Variants in CUL3 observed in about 807,000 individuals in gnomAD.
CUL3 encodes the protein cullin 3.
In CUL3, 19 loss-of-function variants were observed where a neutral mutation model predicts 89.1. That is an observed-to-expected ratio of 0.21 (90% CI 0.15 to 0.31). The LOEUF (loss-of-function observed/expected upper bound fraction) is 0.31. CUL3 is among the 10% of genes least tolerant of loss of function. The probability of loss-of-function intolerance (pLI) is 1.00; values close to 1 mark genes in which losing one functional copy is unlikely to be tolerated. For missense variants in CUL3, 469 were observed against 942.3 expected (o/e 0.50, Z 6.58); for synonymous variants, 351 against 308.4 (o/e 1.14, Z -1.45).
chr2:224,524,123 A>T (rs890474911), intron 3 of CUL3, among the ~76,000 whole-genome samples: 19 of 152,184 alleles, frequency 1.2e-4, no homozygotes, highest in African/African-American at 4.6e-4. Flanking sequence ...GTTTAAAAGC[A>T]TCAAGAGTAA....
At chr2:224,502,647 T>C (rs887888828) in intron 10 of CUL3, among the ~76,000 whole-genome samples, 4 of 152,228 alleles carry the variant, frequency 2.6e-5, no homozygotes, top group African/African-American at 2.4e-5. Context: ...AGTAAACTTG[T>C]GTTAAGCCCA....
intron 3 of CUL3, among the ~76,000 whole-genome samples, chr2:224,522,248 A>C (rs908960868): frequency 1.3e-5 from 2 of 152,170 alleles, no homozygotes; most frequent in Non-Finnish European, 2.9e-5. Context: ...AACACAATGA[A>C]GACAGAAATA....
At chr2:224,564,408 T>A (rs1694989608) in intron 1 of CUL3, among the ~76,000 whole-genome samples, 1 of 152,234 alleles carries the variant, frequency 6.6e-6, no homozygotes, top group Admixed American at 6.5e-5. Flanking sequence ...CCTTACTTCA[T>A]CTCATCACAT....
chr2:224,565,016 T>C (rs1695006325), intron 1 of CUL3, among the ~76,000 whole-genome samples: 1 of 152,186 alleles, frequency 6.6e-6, no homozygotes, highest in Admixed American at 6.5e-5. Context: ...CTCAAATATG[T>C]TCCCATTTTT....
intron 14 of CUL3, chr2:224,480,035 G>GGTT (rs36162349): frequency 0.19 from 29,343 of 151,944 alleles, 3,177 homozygotes; most frequent in African/African-American, 0.27. Context: ...CAGCAGAAGG[G>GGTT]GTTGTTGTGC....
intron 4 of CUL3, 138 bp downstream of exon 4, chr2:224,514,474 G>T (rs2106222960): frequency 1.6e-6 from 1 of 645,024 alleles, no homozygotes; most frequent in Non-Finnish European, 2.5e-6. Flanking sequence ...TGTTAACTCT[G>T]ATACTAAGTT....
intron 1 of CUL3, among the ~76,000 whole-genome samples, chr2:224,575,603 G>GTA (rs1695281272): frequency 6.6e-6 from 1 of 152,202 alleles, no homozygotes; most frequent in Non-Finnish European, 1.5e-5. Context: ...TTGCATTTAT[G>GTA]TATAATGCTT....
intron 14 of CUL3, chr2:224,479,808 T>A (rs1005440857): frequency 6.6e-6 from 1 of 152,202 alleles, no homozygotes; most frequent in Admixed American, 6.5e-5. Context: ...CTTTGTGGAT[T>A]TGAAAACAAA....
rs918697603 is a variant in CUL3 at position 224,485,225 on chromosome 2, T to G, written c.1843-3147A>C. 2.6e-5 allele frequency: 4 copies of G among 152,272 alleles called. No homozygotes were observed. The highest frequency in any genetic ancestry group is 9.7e-5 in the African/African-American group (4 of 41,384). The allele number at this position is 152,272 out of a possible 1,614,324, so 9.4% of individuals were successfully genotyped here. A position where few individuals can be genotyped will look rare whatever the true frequency, so the allele number is the denominator to read the frequency against. On this transcript the variant is annotated intron_variant, in intron 13 of 15. Transcript: ENST00000264414. The surrounding 1 kb of genome is among the most constrained non-coding windows in gnomAD (Gnocchi z 4.1). ...CAGATACCAACTTAGCTGTAGGAGT[T>G]TTTTTTCATATCCCAGTGGCAGCCG...
chr2:224,518,776 C>T (rs1693157621), intron 3 of CUL3, among the ~76,000 whole-genome samples: 1 of 152,156 alleles, frequency 6.6e-6, no homozygotes, highest in South Asian at 2.1e-4. Flanking sequence ...CATGCAGGAT[C>T]AAATAAATGT....
intron 3 of CUL3, among the ~76,000 whole-genome samples, chr2:224,522,823 G>A (rs991033056): frequency 1.2e-4 from 12 of 104,276 alleles, no homozygotes; most frequent in Admixed American, 3.0e-4. Flanking sequence ...GTGAGACACC[G>A]TCTCAAAAAA....
At chr2:224,573,849 T>G (rs537395673) in intron 1 of CUL3, among the ~76,000 whole-genome samples, 2 of 152,334 alleles carry the variant, frequency 1.3e-5, no homozygotes, top group Admixed American at 1.3e-4. Context: ...AAAATTGTTT[T>G]CAGGATTTCA....
intron 1 of CUL3, among the ~76,000 whole-genome samples, chr2:224,564,440 C>T (rs756616527): frequency 6.6e-6 from 1 of 152,184 alleles, no homozygotes; most frequent in African/African-American, 2.4e-5. Context: ...CATCTCATAC[C>T]ATCACAAGGG....
At chr2:224,560,223 T>C (rs1694860524) in intron 1 of CUL3, among the ~76,000 whole-genome samples, 1 of 152,214 alleles carries the variant, frequency 6.6e-6, no homozygotes, top group African/African-American at 2.4e-5. Flanking sequence ...ATCCTAAAGC[T>C]CAAGTTCTCG....
intron 13 of CUL3, among the ~76,000 whole-genome samples, chr2:224,488,231 A>G (rs948244246): frequency 6.8e-4 from 104 of 152,116 alleles, no homozygotes; most frequent in African/African-American, 2.4e-3. Context: ...AGCAGAAGAC[A>G]AATAACTAAC....
Position 224,473,543 on chromosome 2 carries a change from T to TC in CUL3, c.*701dup, listed in dbSNP as rs1463822705. 3.8e-5 allele frequency: 7 copies of TC among 183,664 alleles called. No individual in the cohort carries two copies. In the Admixed American group the frequency reaches 4.4e-4, roughly 11 times the overall value. The allele number at this position is 183,664 out of a possible 1,614,324, so 11.4% of individuals were successfully genotyped here. A position where few individuals can be genotyped will look rare whatever the true frequency, so the allele number is the denominator to read the frequency against. On this transcript the variant is annotated 3_prime_UTR_variant, in exon 16 of 16. Coordinates refer to ENST00000264414, the MANE Select transcript of CUL3 (RefSeq NM_003590.5). ...TACACATACTAAAATACTTTCTTTCTCTAGAAATAACTCAGAACAAAACCT... is the reference window on the plus strand; with the variant it reads ...TACACATACTAAAATACTTTCTTTCTCCTAGAAATAACTCAGAACAAAACCT...
At chr2:224,584,739 C>T (rs1695536787) in intron 1 of CUL3, among the ~76,000 whole-genome samples, 2 of 146,978 alleles carry the variant, frequency 1.4e-5, no homozygotes, top group Non-Finnish European at 3.0e-5. Context: ...GCCCGGGCTC[C>T]CGGCGCGGGG....
At chr2:224,563,632 T>A (rs1315334295) in intron 1 of CUL3, among the ~76,000 whole-genome samples, 1 of 152,232 alleles carries the variant, frequency 6.6e-6, no homozygotes, top group Non-Finnish European at 1.5e-5. Flanking sequence ...TATCAATTCA[T>A]AAACTTTAAA....
intron 13 of CUL3, among the ~76,000 whole-genome samples, chr2:224,486,645 G>T (rs1284661871): frequency 1.3e-5 from 2 of 152,188 alleles, no homozygotes; most frequent in Non-Finnish European, 2.9e-5. Context: ...CGTTTGACTG[G>T]TGTACCTGAA....
Sources: allele counts gnomAD v4.1 joint callset (sites outside exome capture counted in the v4.1 genomes callset), GRCh38; gene constraint gnomAD v4.1.1; non-coding constraint Gnocchi (gnomAD v3.1); transcripts MANE v1.5; gene names NCBI Gene and HGNC (gene_info 2026-07-23, HGNC 2026-07-21).